Variants in FRMD4B observed in about 807,000 individuals in gnomAD.
FRMD4B encodes the protein FERM domain-containing protein 4B.
FRMD4B carries 74 observed loss-of-function variants against 141.5 expected under a neutral mutation model. The ratio of observed to expected loss-of-function variants is 0.52; its 90% confidence interval spans 0.43 to 0.63. The LOEUF is 0.63. Among genes scored for constraint, FRMD4B ranks in the 30% least tolerant of loss-of-function variants. FRMD4B has a pLI of 0.00. For synonymous variants in FRMD4B, 506 were observed against 467.9 expected, an observed-to-expected ratio of 1.08 and a Z score of -1.05; for missense variants, 1,366 against 1,253.4, an observed-to-expected ratio of 1.09 and a Z score of -1.36.
intron 1 of FRMD4B, among the ~76,000 whole-genome samples, chr3:69,347,252 T>C (rs1040795107): frequency 9.2e-5 from 14 of 152,062 alleles, no homozygotes; most frequent in African/African-American, 3.4e-4. Context: ...TACATAATGG[T>C]AAAGGGATCA....
intron 9 of FRMD4B, among the ~76,000 whole-genome samples, chr3:69,221,501 T>C (rs984718484): frequency 1.3e-5 from 2 of 152,180 alleles, no homozygotes; most frequent in Non-Finnish European, 2.9e-5. Context: ...AAAATCTGAA[T>C]TTCCAGCTTC....
At chr3:69,375,516 C>T (rs77134221) in intron 1 of FRMD4B, among the ~76,000 whole-genome samples, 2,307 of 152,122 alleles carry the variant, frequency 0.015, 43 homozygotes, top group Non-Finnish European at 0.018. Context: ...ACTCACATAA[C>T]CAGTAAAAGG....
intron 4 of FRMD4B, among the ~76,000 whole-genome samples, chr3:69,299,803 T>C (rs1701153565): frequency 6.6e-6 from 1 of 152,178 alleles, no homozygotes; most frequent in South Asian, 2.1e-4. Flanking sequence ...CATTGTGCAT[T>C]AACTATTTGG....
Position 69,337,548 on chromosome 3 carries a change from T to C in FRMD4B, c.163-24031A>G, listed in dbSNP as rs185735409. ...TACAGAATGGGAGAAAATTTTTGCA[T>C]CCTACTCATCTGACAAAGGGCTAAT... On this transcript the variant is annotated intron_variant, in intron 1 of 22. Transcript: ENST00000398540. Among the ~76,000 whole-genome samples, 272 of 152,220 alleles carry C rather than the reference T, an allele frequency of 1.8e-3. 2 individuals carry two copies. The highest frequency in any genetic ancestry group is 6.2e-3 in the African/African-American group (257 of 41,536).
At chr3:69,291,298 C>T (rs41436145) in intron 4 of FRMD4B, among the ~76,000 whole-genome samples, 5,581 of 152,166 alleles carry the variant, frequency 0.037, 135 homozygotes, top group East Asian at 0.11. Flanking sequence ...ATTAAAAACA[C>T]GGGGTCAATG....
At chr3:69,441,555 C>G (rs1705343814) in intron 1 of FRMD4B, among the ~76,000 whole-genome samples, 1 of 152,160 alleles carries the variant, frequency 6.6e-6, no homozygotes. Context: ...AATTTATCTT[C>G]TTTGAACTCT....
chr3:69,400,242 T>C (rs558574079), intron 2 of FRMD4B, among the ~76,000 whole-genome samples: 1 of 151,482 alleles, frequency 6.6e-6, no homozygotes, highest in African/African-American at 2.4e-5. Context: ...AAAAAATTAG[T>C]TGGGCATGGT....
intron 5 of FRMD4B, among the ~76,000 whole-genome samples, chr3:69,278,800 G>T (rs28600908): frequency 0.48 from 72,818 of 151,868 alleles, 17,749 homozygotes; most frequent in Admixed American, 0.53. Flanking sequence ...CGTTGTCCAG[G>T]CTGGTCTGGA....
intron 1 of FRMD4B, among the ~76,000 whole-genome samples, chr3:69,329,518 T>TTTG (rs1179113945): frequency 6.7e-5 from 6 of 90,004 alleles, no homozygotes; most frequent in African/African-American, 4.8e-4. Flanking sequence ...CCCAGCTAAT[T>TTTG]TTTTTTTTTT....
chr3:69,480,426 G>C (rs1215206304), intron 1 of FRMD4B, among the ~76,000 whole-genome samples: 1 of 152,204 alleles, frequency 6.6e-6, no homozygotes, highest in Non-Finnish European at 1.5e-5. Context: ...CCTTCTAACA[G>C]ACAGGACCCT....
intron 1 of FRMD4B, among the ~76,000 whole-genome samples, chr3:69,526,761 C>G (rs978313653): frequency 6.6e-6 from 1 of 152,110 alleles, no homozygotes; most frequent in Non-Finnish European, 1.5e-5. Flanking sequence ...TAGCTTTCTT[C>G]CCTCCTGTCT....
At chr3:69,261,069 C>T (rs111835725) in intron 5 of FRMD4B, among the ~76,000 whole-genome samples, 5,439 of 152,262 alleles carry the variant, frequency 0.036, 154 homozygotes, top group East Asian at 0.1. Context: ...AGCCAGATTT[C>T]GCAACCTGCT....
At chr3:69,299,663 C>G (rs1292778803) in intron 4 of FRMD4B, among the ~76,000 whole-genome samples, 1 of 152,208 alleles carries the variant, frequency 6.6e-6, no homozygotes, top group African/African-American at 2.4e-5. Flanking sequence ...TCATTGTTTA[C>G]TATAAAAGTG....
chr3:69,523,862 C>T (rs1349695987), intron 1 of FRMD4B, among the ~76,000 whole-genome samples: 3 of 152,150 alleles, frequency 2.0e-5, no homozygotes, highest in Non-Finnish European at 4.4e-5. Context: ...CAGTTGGTTC[C>T]CTTACCTTCA....
intron 19 of FRMD4B, among the ~76,000 whole-genome samples, chr3:69,183,949 A>C (rs1381892912): frequency 1.3e-5 from 2 of 151,536 alleles, no homozygotes; most frequent in African/African-American, 4.9e-5. Flanking sequence ...AGGCTTGAGG[A>C]GAGTGGCACA....
At chr3:69,502,355 C>G (rs1706512309) in intron 1 of FRMD4B, among the ~76,000 whole-genome samples, 1 of 152,106 alleles carries the variant, frequency 6.6e-6, no homozygotes, top group African/African-American at 2.4e-5. Context: ...TGGAACAGAA[C>G]AGAGCCCTCA....
At chr3:69,189,437 T>A (rs2092811990) in intron 18 of FRMD4B, among the ~76,000 whole-genome samples, 1 of 152,168 alleles carries the variant, frequency 6.6e-6, no homozygotes, top group Admixed American at 6.6e-5. Context: ...TGATTTTATT[T>A]CATATTGTGA....
At chr3:69,444,653 A>C (rs17353788) in intron 1 of FRMD4B, among the ~76,000 whole-genome samples, 4,357 of 152,288 alleles carry the variant, frequency 0.029, 141 homozygotes, top group Admixed American at 0.1. Flanking sequence ...GGAAAAGAAA[A>C]TAACCAAAAC....
chr3:69,359,301 C>T (rs1703408814), intron 1 of FRMD4B, among the ~76,000 whole-genome samples: 1 of 152,116 alleles, frequency 6.6e-6, no homozygotes, highest in African/African-American at 2.4e-5. Context: ...CAGGAAAGAG[C>T]CAGCCACAGG....
Sources: gnomAD v4.1 joint callset for allele counts (sites outside exome capture counted in the v4.1 genomes callset) on GRCh38, gnomAD v4.1.1 for gene constraint, MANE v1.5 for transcripts, NCBI Gene and HGNC (gene_info 2026-07-23, HGNC 2026-07-21) for gene names.